The following KCNK1 variants were observed in gnomAD, a reference collection of about 807,000 sequenced individuals.
KCNK1 encodes potassium two pore domain channel subfamily K member 1.
Under a neutral mutation model 22.2 loss-of-function variants are expected in KCNK1, and 10 were observed. The ratio of observed to expected loss-of-function variants is 0.45; its 90% CI spans 0.28 to 0.76. KCNK1 has a LOEUF of 0.76. Ranked by LOEUF, KCNK1 falls within the 30% of genes least tolerant of loss-of-function variation. The probability of loss-of-function intolerance (pLI) is 0.14; values close to 1 mark genes in which losing one functional copy is unlikely to be tolerated. For synonymous variants in KCNK1, 200 were observed against 186.4 expected (o/e 1.07, Z -0.60); for missense variants, 378 against 421.0 (o/e 0.90, Z 0.89).
intron 1 of KCNK1, chr1:233,631,160 A>G (rs1406178145): frequency 4.5e-6 from 2 of 442,288 alleles, no homozygotes; most frequent in African/African-American, 4.1e-5. Context: ...ATTGTCCATC[A>G]TCCACAGTCT....
In KCNK1 at chr1:233,630,970, T is replaced by C. The variant is rs574075409; in HGVS notation, c.355+16444T>C. On this transcript the variant is annotated intron_variant, in intron 1 of 2. Coordinates refer to ENST00000366621, the MANE Select transcript of KCNK1 (RefSeq NM_002245.4). ...CACTTTCAGAGCAGTGAGAGCACCA[T>C]AGAAACTTGATACATAGCTTGTTTG... Among the ~76,000 whole-genome samples, 8 of 152,320 alleles carry C rather than the reference T, an allele frequency of 5.3e-5. No homozygotes were observed. In the South Asian group the frequency reaches 1.0e-3, roughly 20 times the overall value.
intron 2 of KCNK1, among the ~76,000 whole-genome samples, chr1:233,668,699 G>A (rs1023240313): frequency 2.0e-5 from 3 of 151,900 alleles, no homozygotes; most frequent in South Asian, 2.1e-4. Context: ...TCCACCTCCC[G>A]GGTTCAAGCG....
intron 1 of KCNK1, chr1:233,624,043 G>A (rs1351727084): frequency 6.5e-6 from 1 of 152,932 alleles, no homozygotes; most frequent in Admixed American, 6.5e-5. Context: ...GTTGGAGTTG[G>A]AGGCTCCAGT....
intron 1 of KCNK1, among the ~76,000 whole-genome samples, chr1:233,621,948 T>TA (rs1289112059): frequency 6.6e-6 from 1 of 152,160 alleles, no homozygotes; most frequent in Non-Finnish European, 1.5e-5. Context: ...ATTGGAGTGT[T>TA]ACTGTGTGTG....
chr1:233,667,137 G>A (rs565809991), intron 2 of KCNK1, 147 bp downstream of exon 2: 15 of 531,758 alleles, frequency 2.8e-5, no homozygotes, highest in South Asian at 2.6e-4. Flanking sequence ...TCCGCCTTCC[G>A]GGTTCAAGGG....
At chr1:233,637,813 T>C (rs1657928876) in intron 1 of KCNK1, among the ~76,000 whole-genome samples, 1 of 152,148 alleles carries the variant, frequency 6.6e-6, no homozygotes, top group Non-Finnish European at 1.5e-5. Flanking sequence ...TTTTACGTTT[T>C]AAATGGTTCT....
chr1:233,670,669 AC>A (rs1438823498), intron 2 of KCNK1, among the ~76,000 whole-genome samples: 2 of 148,138 alleles, frequency 1.4e-5, no homozygotes, highest in African/African-American at 5.3e-5. Flanking sequence ...GGAAAGACTT[AC>A]CCCCATGATT....
intron 1 of KCNK1, among the ~76,000 whole-genome samples, chr1:233,621,038 G>C (rs1657577715): frequency 6.6e-6 from 1 of 152,140 alleles, no homozygotes. Context: ...GAAGTGACAT[G>C]GTCTTAATTT....
intron 1 of KCNK1, among the ~76,000 whole-genome samples, chr1:233,662,407 C>T (rs1658413419): frequency 6.6e-6 from 1 of 152,122 alleles, no homozygotes; most frequent in Non-Finnish European, 1.5e-5. Context: ...AGGGTCACAA[C>T]GTGGGGCCAT....
chr1:233,667,522 A>C (rs1278334825), intron 2 of KCNK1, among the ~76,000 whole-genome samples: 1 of 151,984 alleles, frequency 6.6e-6, no homozygotes, highest in Non-Finnish European at 1.5e-5. Context: ...CGAGGTCAGG[A>C]GATCGAGACC....
At chr1:233,626,030 C>T (rs1657682712) in intron 1 of KCNK1, among the ~76,000 whole-genome samples, 1 of 151,996 alleles carries the variant, frequency 6.6e-6, no homozygotes, top group African/African-American at 2.4e-5. Context: ...ATCTGACTGA[C>T]TGTTCCAACG....
chr1:233,665,472 C>T (rs1203847635), intron 1 of KCNK1, among the ~76,000 whole-genome samples: 1 of 152,208 alleles, frequency 6.6e-6, no homozygotes, highest in African/African-American at 2.4e-5. Flanking sequence ...TATTGCAAGC[C>T]ATACATAATA....
intron 1 of KCNK1, among the ~76,000 whole-genome samples, chr1:233,659,584 TA>T (rs201729144): frequency 0.023 from 3,503 of 151,912 alleles, 66 homozygotes; most frequent in Non-Finnish European, 0.036. Context: ...ACATACACTA[TA>T]ATCGTATGTG....
Position 233,666,660 on chromosome 1 carries a change from G to A in KCNK1, c.421G>A (p.Gly141Ser). Residue 141 changes from glycine (G) to serine (S), a missense_variant, in exon 2 of 3, where the codon GGC (glycine) becomes AGC (serine). By Grantham distance (56) the Gly-to-Ser change is moderately conservative. Transcript: ENST00000366621. ...CTTCTGCATCATCTACTCCGTCATT[G>A]GCATTCCCTTCACCCTCCTGTTCCT... is the stretch of plus-strand genomic sequence containing the variant. ...KAFCIIYSVIGIPFTLLFLTA... is the reference protein window; with the variant it reads ...KAFCIIYSVISIPFTLLFLTA... 3 of 1,614,116 alleles carry A rather than the reference G, an allele frequency of 1.9e-6. No homozygotes were observed. The highest frequency in any genetic ancestry group is 2.5e-6 in the Non-Finnish European group (3 of 1,180,018).
chr1:233,621,260 C>G (rs1255331772), intron 1 of KCNK1, among the ~76,000 whole-genome samples: 1 of 152,142 alleles, frequency 6.6e-6, no homozygotes, highest in Admixed American at 6.5e-5. Flanking sequence ...CAAGAGAGGC[C>G]TCAGAAGAAA....
intron 1 of KCNK1, among the ~76,000 whole-genome samples, chr1:233,661,174 A>G (rs1039755829): frequency 2.6e-5 from 4 of 152,152 alleles, no homozygotes; most frequent in Non-Finnish European, 4.4e-5. Context: ...TGGATGCATG[A>G]TGAGTTCCCC....
Position 233,671,564 on chromosome 1 carries a change from G to A in KCNK1, c.*34G>A. ...TTTGTTGCATTATGCTAGAGCACCA[G>A]GGTCAGGGTGCAAGGAAGAGGCTTA... On this transcript the variant is annotated 3_prime_UTR_variant, in exon 3 of 3. Transcript: ENST00000366621. 6.2e-7 allele frequency: 1 copy of A among 1,611,598 alleles called. No homozygotes were observed. The highest frequency in any genetic ancestry group is 1.7e-5 in the Admixed American group (1 of 59,992).
Position 233,666,844 on chromosome 1 carries a change from T to C in KCNK1, c.605T>C (p.Val202Ala). The C allele has an allele frequency of 1.2e-6, 2 of 1,614,186 alleles. No homozygotes were observed. Among genetic ancestry groups the C allele is most frequent in the Non-Finnish European group, 1.7e-6 (2 of 1,180,034 alleles). ...TGCTTCTTCTTCATCCCGGCCGCTG[T>C]CTTCTCAGTCCTGGAGGATGACTGG... ...VSCFFFIPAA[V>A]FSVLEDDWNF... Residue 202 changes from valine to alanine, a missense_variant, in exon 2 of 3, where the codon GTC becomes GCC. Val to Ala is a moderately conservative substitution (Grantham distance 64, BLOSUM62 0). Coordinates refer to ENST00000366621, the MANE Select transcript of KCNK1 (RefSeq NM_002245.4).
In KCNK1 at chr1:233,671,333, G is replaced by A; in HGVS notation, c.814G>A (p.Glu272Lys). 6.2e-7 allele frequency: 1 copy of A among 1,614,132 alleles called. No homozygotes were observed. The highest frequency in any genetic ancestry group is 8.5e-7 in the Non-Finnish European group (1 of 1,180,012). ...TCTGGAAACCTTCTGTGAACTCCAT[G>A]AGCTGAAAAAATTCAGAAAAATGTT... ...VVLETFCELHELKKFRKMFYV... is the reference protein window; with the variant it reads ...VVLETFCELHKLKKFRKMFYV... The change falls in exon 3 of 3, where the codon GAG becomes AAG. Residue 272 changes from glutamate to lysine, a missense_variant. Physicochemically the swap from Glu to Lys is moderately conservative, Grantham distance 56. Coordinates refer to ENST00000366621, the MANE Select transcript of KCNK1 (RefSeq NM_002245.4).
Sources: allele counts gnomAD v4.1 joint callset (sites outside exome capture counted in the v4.1 genomes callset), GRCh38; gene constraint gnomAD v4.1.1; transcripts MANE v1.5; gene names NCBI Gene and HGNC (gene_info 2026-07-23, HGNC 2026-07-21).